The following PROX1 variants were observed in gnomAD, a reference collection of about 807,000 sequenced individuals.
PROX1 encodes prospero homeobox 1.
PROX1 carries 7 observed loss-of-function variants against 58.8 expected under a neutral mutation model. The observed-to-expected ratio is 0.12, with a 90% CI of 0.07 to 0.22. The LOEUF (loss-of-function observed/expected upper bound fraction) is 0.22, where lower values mean the gene tolerates loss of function less well. Ranked by LOEUF, PROX1 falls within the 10% of genes least tolerant of loss-of-function variation. PROX1 has a pLI of 1.00. For missense variants in PROX1, 675 were observed against 927.8 expected (o/e 0.73, Z 3.54); for synonymous variants, 350 against 358.3 (o/e 0.98, Z 0.26).
Position 213,996,678 on chromosome 1 carries a change from A to G in PROX1, c.143A>G (p.Gln48Arg), listed in dbSNP as rs1408932447. The G allele has an allele frequency of 6.2e-7, 1 of 1,614,222 alleles. No homozygotes were observed. The change falls in exon 2 of 5, where the codon CAA becomes CGA. Residue 48 changes from glutamine to arginine, a missense_variant. This residue lies in a region of PROX1 where 157 missense variants were observed against 197.8 expected (regional missense o/e 0.79). Coordinates refer to ENST00000366958, the MANE Select transcript of PROX1 (RefSeq NM_001270616.2). ...RATFFSAMNP[Q>R]GSEQDVEYSV... is the part of the protein sequence containing the mutation. ...ACGTTTTTTAGTGCCATGAATCCCC[A>G]AGGTTCTGAGCAGGATGTTGAGTAT...
intron 2 of PROX1, among the ~76,000 whole-genome samples, chr1:214,000,229 C>T (rs1663449750): frequency 6.6e-6 from 1 of 152,180 alleles, no homozygotes; most frequent in African/African-American, 2.4e-5. Context: ...ATAACCAGAT[C>T]ATTATAATTA....
Position 214,040,907 on chromosome 1 carries a change from TATTA to T in PROX1, c.*5077_*5080del, listed in dbSNP as rs1558195024. On this transcript the variant is annotated 3_prime_UTR_variant, in exon 5 of 5. Transcript: ENST00000366958. ...TTGTATTACCAAGGATGTACTGTAA[TATTA>T]ATTGATATGATAAACACAATGAGAC... The T allele has an allele frequency of 6.6e-6, 1 of 152,126 alleles. No individual in the cohort carries two copies. The highest frequency in any genetic ancestry group is 1.9e-4 in the East Asian group (1 of 5,192). The allele number at this position is 152,126 out of a possible 1,614,324, so 9.4% of individuals were successfully genotyped here.
chr1:213,995,886 C>G (rs1337360927), intron 1 of PROX1, among the ~76,000 whole-genome samples: 1 of 152,174 alleles, frequency 6.6e-6, no homozygotes, highest in Non-Finnish European at 1.5e-5. Context: ...GATGCTGCTG[C>G]TAAGGGTGTT....
rs923798082 is a variant in PROX1, at chr1:214,035,973, C to G, written c.*139C>G. 8 of 637,658 alleles carry G rather than the reference C, an allele frequency of 1.3e-5. No homozygotes were observed. The highest frequency in any genetic ancestry group is 1.9e-5 in the Non-Finnish European group (8 of 420,604). The allele number at this position is 637,658 out of a possible 1,614,324, so 39.5% of individuals were successfully genotyped here. On this transcript the variant is annotated 3_prime_UTR_variant, in exon 5 of 5. Transcript: ENST00000366958. ...GTTATGAAATCAGCTGGTAATTCCT[C>G]CTCATCACGTTTCTCTCATTTTCTT...
At chr1:214,021,838 T>C (rs1448143450) in intron 4 of PROX1, among the ~76,000 whole-genome samples, 2 of 152,178 alleles carry the variant, frequency 1.3e-5, no homozygotes, top group Non-Finnish European at 2.9e-5. Context: ...CCCAGCCAAA[T>C]AGAAAATAGG....
chr1:213,990,133 TAA>T (rs5780750), intron 1 of PROX1, among the ~76,000 whole-genome samples: 57,677 of 131,622 alleles, frequency 0.44, 12,652 homozygotes, highest in South Asian at 0.55. Context: ...CTCCCTTATT[TAA>T]AAAAAAAAAA....
Position 213,997,691 on chromosome 1 carries a change from C to A in PROX1, c.1156C>A (p.Leu386Ile), listed in dbSNP as rs1663326223. 1.9e-6 allele frequency: 3 copies of A among 1,614,158 alleles called. No individual in the cohort carries two copies. The East Asian group carries it at 6.7e-5, about 36-fold the overall frequency. The change falls in exon 2 of 5, where the codon CTC becomes ATC. Residue 386 changes from leucine to isoleucine, a missense_variant. By Grantham distance (5) the Leu-to-Ile change is conservative. This residue lies in a region of PROX1 where 403 missense variants were observed against 477.4 expected (regional missense o/e 0.84). Coordinates refer to ENST00000366958, the MANE Select transcript of PROX1 (RefSeq NM_001270616.2). This position sits in a 1 kb window ranked among gnomAD's most constrained non-coding sequence, Gnocchi z 7.1. Reference sequence around the variant, plus strand: ...CCAGGTTCCTCAGGTCTTCCCACCTCTCCAGATCCCCCAGGCCAGATTTGC... The same window carrying A: ...CCAGGTTCCTCAGGTCTTCCCACCTATCCAGATCCCCCAGGCCAGATTTGC... ...SRQVPQVFPP[L>I]QIPQARFAVN...
At chr1:214,006,063 T>G (rs1036058157) in intron 3 of PROX1, among the ~76,000 whole-genome samples, 1 of 152,160 alleles carries the variant, frequency 6.6e-6, no homozygotes, top group Non-Finnish European at 1.5e-5. Flanking sequence ...TGGGTTTTGA[T>G]GATGATAATG....
intron 4 of PROX1, among the ~76,000 whole-genome samples, chr1:214,018,362 A>G (rs1207312057): frequency 2.0e-5 from 3 of 152,228 alleles, no homozygotes; most frequent in Non-Finnish European, 4.4e-5. Context: ...TTAATACTTG[A>G]AAGCAGATAA....
intron 4 of PROX1, among the ~76,000 whole-genome samples, chr1:214,014,083 G>A (rs574973022): frequency 1.3e-5 from 2 of 152,300 alleles, no homozygotes; most frequent in Admixed American, 1.3e-4. Flanking sequence ...TTTCAGATAA[G>A]GTGAGCCCTT....
chr1:214,001,712 C>T (rs1282377537), intron 2 of PROX1, among the ~76,000 whole-genome samples: 5 of 152,112 alleles, frequency 3.3e-5, no homozygotes, highest in South Asian at 2.1e-4. Flanking sequence ...AATTTGAAAC[C>T]ATCCACAGAA....
intron 4 of PROX1, chr1:214,030,798 C>T (rs1664622324): frequency 6.6e-6 from 1 of 152,216 alleles, no homozygotes; most frequent in African/African-American, 2.4e-5. Flanking sequence ...GACCGCTAAC[C>T]TTGGTATGTC....
intron 2 of PROX1, 93 bp from the exon 3 acceptor site, chr1:214,005,072 A>G: frequency 2.2e-6 from 2 of 928,808 alleles, no homozygotes; most frequent in Non-Finnish European, 3.4e-6. Flanking sequence ...AGCTTGATGG[A>G]CCCCCAGACT....
At chr1:214,013,972 C>T (rs1664007542) in intron 4 of PROX1, among the ~76,000 whole-genome samples, 1 of 152,180 alleles carries the variant, frequency 6.6e-6, no homozygotes, top group African/African-American at 2.4e-5. Context: ...CACACTTACA[C>T]ATCCATATGC....
Position 214,037,828 on chromosome 1 carries a change from A to G in PROX1, c.*1994A>G, listed in dbSNP as rs952190557. ...GAATAAAGTGGGAAGGAAAAATTCC[A>G]TCAGCACAAAATAGGGAAGTAATCC... On this transcript the variant is annotated 3_prime_UTR_variant, in exon 5 of 5. Coordinates refer to ENST00000366958, the MANE Select transcript of PROX1 (RefSeq NM_001270616.2). The G allele has an allele frequency of 6.6e-6, 1 of 152,262 alleles. No homozygotes were observed. Among genetic ancestry groups the G allele is most frequent in the Admixed American group, 6.5e-5 (1 of 15,292 alleles). The allele number at this position is 152,262 out of a possible 1,614,324, so 9.4% of individuals were successfully genotyped here. A position where few individuals can be genotyped will look rare whatever the true frequency, so the allele number is the denominator to read the frequency against.
chr1:213,986,601 C>T (rs1662831305), upstream of PROX1, among the ~76,000 whole-genome samples: 2 of 152,164 alleles, frequency 1.3e-5, no homozygotes, highest in Non-Finnish European at 2.9e-5. Flanking sequence ...CACGACACAG[C>T]ATGATTCAAC....
chr1:214,018,960 C>G (rs1664190117), intron 4 of PROX1, among the ~76,000 whole-genome samples: 1 of 152,160 alleles, frequency 6.6e-6, no homozygotes, highest in African/African-American at 2.4e-5. Flanking sequence ...AAAAGGGACA[C>G]TAGTGTAGCC....
chr1:214,018,471 G>T (rs1455578837), intron 4 of PROX1, among the ~76,000 whole-genome samples: 1 of 152,090 alleles, frequency 6.6e-6, no homozygotes, highest in East Asian at 1.9e-4. Context: ...TTGTCTTCCT[G>T]CACCCCCCAA....
At chr1:214,020,641 T>A (rs1342508757) in intron 4 of PROX1, among the ~76,000 whole-genome samples, 1 of 152,256 alleles carries the variant, frequency 6.6e-6, no homozygotes. Flanking sequence ...ATTGGTATGT[T>A]TAATTTTCCC....
Sources: gnomAD v4.1 joint callset for allele counts (sites outside exome capture counted in the v4.1 genomes callset) on GRCh38, gnomAD v4.1.1 for gene constraint, gnomAD v4.1.1 regional missense constraint, Gnocchi (gnomAD v3.1) non-coding constraint, MANE v1.5 for transcripts, NCBI Gene and HGNC (gene_info 2026-07-23, HGNC 2026-07-21) for gene names.